The following GMDS variants were observed in gnomAD, a reference collection of about 807,000 sequenced individuals.
GMDS encodes the protein GDP-mannose 4,6 dehydratase.
A neutral mutation model predicts 49.9 loss-of-function variants in GMDS; 20 were observed. The observed-to-expected ratio is 0.40, with a 90% CI of 0.28 to 0.58. The LOEUF is 0.58. Among genes scored for constraint, GMDS ranks in the 20% least tolerant of loss-of-function variants. The pLI is 0.42. For missense variants in GMDS, 362 were observed against 481.4 expected, an observed-to-expected ratio of 0.75 and a Z score of 2.32; for synonymous variants, 177 against 178.6, an observed-to-expected ratio of 0.99 and a Z score of 0.07.
At chr6:2,098,093 T>A (rs1773711691) in intron 4 of GMDS, among the ~76,000 whole-genome samples, 1 of 152,168 alleles carries the variant, frequency 6.6e-6, no homozygotes, top group Non-Finnish European at 1.5e-5. Flanking sequence ...AATCTCTTTA[T>A]CGCCCAGGCT....
intron 6 of GMDS, among the ~76,000 whole-genome samples, chr6:1,941,468 C>G (rs978818793): frequency 6.6e-6 from 1 of 152,122 alleles, no homozygotes; most frequent in African/African-American, 2.4e-5. Context: ...GAGTGATCAC[C>G]ATGACTGCAG....
At chr6:1,982,397 G>A (rs1765271362) in intron 4 of GMDS, among the ~76,000 whole-genome samples, 1 of 152,030 alleles carries the variant, frequency 6.6e-6, no homozygotes, top group African/African-American at 2.4e-5. Flanking sequence ...ATCAGGCAAG[G>A]GAAAGAAATA....
At chr6:1,650,931 A>G (rs1445186635) in intron 9 of GMDS, among the ~76,000 whole-genome samples, 1 of 152,212 alleles carries the variant, frequency 6.6e-6, no homozygotes, top group Non-Finnish European at 1.5e-5. Context: ...CTAAAGAATA[A>G]AACAGTCTTG....
At chr6:2,165,971 T>G (rs550574259) in intron 1 of GMDS, among the ~76,000 whole-genome samples, 1 of 151,946 alleles carries the variant, frequency 6.6e-6, no homozygotes, top group South Asian at 2.1e-4. Context: ...AAGGCAAATA[T>G]TAGAAGAAAT....
chr6:2,152,089 T>C (rs1776872001), intron 1 of GMDS, among the ~76,000 whole-genome samples: 1 of 152,176 alleles, frequency 6.6e-6, no homozygotes, highest in Non-Finnish European at 1.5e-5. Context: ...CAGATAGTTC[T>C]CTAATCTGAA....
At chr6:2,222,417 C>T (rs1780634825) in intron 1 of GMDS, among the ~76,000 whole-genome samples, 1 of 152,194 alleles carries the variant, frequency 6.6e-6, no homozygotes, top group African/African-American at 2.4e-5. Context: ...ATCTCCGACC[C>T]TTTGGCCCAA....
intron 9 of GMDS, among the ~76,000 whole-genome samples, chr6:1,690,031 G>A (rs1765121018): frequency 6.6e-6 from 1 of 152,066 alleles, no homozygotes; most frequent in Admixed American, 6.6e-5. Flanking sequence ...CTTGAACCCG[G>A]GAGGCAGAGG....
At chr6:1,879,768 G>T (rs1561862020) in intron 7 of GMDS, among the ~76,000 whole-genome samples, 2 of 152,056 alleles carry the variant, frequency 1.3e-5, no homozygotes, top group Non-Finnish European at 2.9e-5. Context: ...TATTTCTAAA[G>T]CATCTCTAAA....
At chr6:1,975,601 A>C (rs1408027228) in intron 4 of GMDS, among the ~76,000 whole-genome samples, 2 of 152,234 alleles carry the variant, frequency 1.3e-5, no homozygotes, top group Non-Finnish European at 2.9e-5. Context: ...AAGGGAATAC[A>C]CTATGAAAAT....
rs372428311 is a variant in GMDS at position 1,959,901 on chromosome 6, G to A, written c.609C>T (p.Asn203=). The change falls in exon 6 of 11, where the codon AAC becomes AAT. Residue 203 remains asparagine, a synonymous_variant. Transcript: ENST00000380815. ...FREAYNLFAV[N]GILFNHESPR... Reference sequence around the variant, plus strand: ...GACTCTCATGATTGAAGAGAATGCCGTTCACTGCAAAGAGATTATACGCCT... The same window carrying A: ...GACTCTCATGATTGAAGAGAATGCCATTCACTGCAAAGAGATTATACGCCT... The A allele has an allele frequency of 7.6e-5, 123 of 1,607,998 alleles. No individual in the cohort carries two copies. Among genetic ancestry groups the A allele is most frequent in the Middle Eastern group, 3.3e-4 (2 of 6,070 alleles).
intron 1 of GMDS, among the ~76,000 whole-genome samples, chr6:2,209,003 C>T (rs1380344792): frequency 6.6e-6 from 1 of 152,154 alleles, no homozygotes; most frequent in Non-Finnish European, 1.5e-5. Flanking sequence ...GAAACCTCTT[C>T]CATCACTTCA....
At chr6:2,224,671 T>C (rs1780740517) in intron 1 of GMDS, among the ~76,000 whole-genome samples, 1 of 152,240 alleles carries the variant, frequency 6.6e-6, no homozygotes, top group Non-Finnish European at 1.5e-5. Context: ...CATTTGTTAA[T>C]GAACACCAAG....
chr6:1,870,095 A>G (rs978793830), intron 7 of GMDS, among the ~76,000 whole-genome samples: 2 of 152,258 alleles, frequency 1.3e-5, no homozygotes, highest in African/African-American at 4.8e-5. Context: ...GACAAGAGCC[A>G]CACAGGGCTG....
chr6:1,923,077 T>G (rs921767591), intron 7 of GMDS, among the ~76,000 whole-genome samples: 3 of 152,186 alleles, frequency 2.0e-5, no homozygotes, highest in South Asian at 4.1e-4. Context: ...AGACGTGCCT[T>G]TCGCCTTCCA....
intron 7 of GMDS, among the ~76,000 whole-genome samples, chr6:1,744,846 G>C (rs742534): frequency 0.09 from 13,647 of 152,310 alleles, 690 homozygotes; most frequent in African/African-American, 0.13. Context: ...CTAGCCACTG[G>C]AATGAATTCC....
At chr6:1,751,402 C>T (rs904154957) in intron 7 of GMDS, among the ~76,000 whole-genome samples, 85 of 152,234 alleles carry the variant, frequency 5.6e-4, no homozygotes, top group African/African-American at 1.9e-3. Context: ...TGCTGTTCTG[C>T]AGCCTCTGCT....
At chr6:2,069,981 C>T (rs1484112518) in intron 4 of GMDS, among the ~76,000 whole-genome samples, 1 of 151,634 alleles carries the variant, frequency 6.6e-6, no homozygotes, top group Non-Finnish European at 1.5e-5. Flanking sequence ...ATGTTTATTG[C>T]AGCATTATTC....
intron 7 of GMDS, among the ~76,000 whole-genome samples, chr6:1,848,094 C>T (rs570576910): frequency 3.3e-5 from 5 of 152,314 alleles, no homozygotes; most frequent in African/African-American, 1.2e-4. Flanking sequence ...CTCCAAAAAT[C>T]TACCACAAAT....
intron 7 of GMDS, among the ~76,000 whole-genome samples, chr6:1,845,593 G>A (rs558917612): frequency 6.5e-4 from 99 of 152,194 alleles, no homozygotes; most frequent in African/African-American, 2.1e-3. Context: ...GTAAGTCAGC[G>A]GTCCCCATCC....
Sources: gnomAD v4.1 joint callset for allele counts (sites outside exome capture counted in the v4.1 genomes callset) on GRCh38, gnomAD v4.1.1 for gene constraint, MANE v1.5 for transcripts, NCBI Gene and HGNC (gene_info 2026-07-23, HGNC 2026-07-21) for gene names.